RBFOX1: variants seen among roughly 807,000 people sequenced by gnomAD.
RBFOX1 encodes the protein RNA binding protein fox-1 homolog 1.
Under a neutral mutation model 57.7 loss-of-function variants are expected in RBFOX1, and 8 were observed. That is an observed-to-expected ratio of 0.14 (90% CI 0.08 to 0.25). The LOEUF (loss-of-function observed/expected upper bound fraction) is 0.25, where lower values mean the gene tolerates loss of function less well. Ranked by LOEUF, RBFOX1 falls within the 10% of genes least tolerant of loss-of-function variation. RBFOX1 has a pLI of 1.00. For missense variants in RBFOX1, 611 were observed against 548.5 expected (o/e 1.11, Z -1.14); for synonymous variants, 326 against 222.4 (o/e 1.47, Z -4.15).
intron 3 of RBFOX1, among the ~76,000 whole-genome samples, chr16:6,955,348 GCACACA>G (rs34550051): frequency 0.15 from 23,261 of 150,258 alleles, 2,102 homozygotes; most frequent in South Asian, 0.23. Flanking sequence ...CCCCACATAT[GCACACA>G]CACACACACA....
intron 3 of RBFOX1, among the ~76,000 whole-genome samples, chr16:6,935,581 A>C (rs1010050584): frequency 3.3e-5 from 5 of 152,194 alleles, no homozygotes; most frequent in African/African-American, 1.2e-4. Flanking sequence ...TGAATATTCA[A>C]AAATCTGTGA....
intron 4 of RBFOX1, among the ~76,000 whole-genome samples, chr16:5,973,829 C>T (rs1041341492): frequency 4.6e-5 from 7 of 152,218 alleles, no homozygotes; most frequent in African/African-American, 1.7e-4. Flanking sequence ...TTATGTTCCA[C>T]ATACTTGGGG....
chr16:7,370,640 A>C (rs1047880246), intron 4 of RBFOX1, among the ~76,000 whole-genome samples: 1 of 152,220 alleles, frequency 6.6e-6, no homozygotes, highest in Non-Finnish European at 1.5e-5. Flanking sequence ...AGCACATCCT[A>C]GGCATGGGTG....
intron 2 of RBFOX1, among the ~76,000 whole-genome samples, chr16:6,651,970 G>C (rs534238352): frequency 6.6e-6 from 1 of 152,268 alleles, no homozygotes; most frequent in Non-Finnish European, 1.5e-5. Context: ...AGGCACAGAA[G>C]GACAAATGTT....
intron 4 of RBFOX1, among the ~76,000 whole-genome samples, chr16:7,168,716 C>T (rs985594833): frequency 3.3e-5 from 5 of 152,180 alleles, no homozygotes; most frequent in Non-Finnish European, 5.9e-5. Context: ...CCTAGATTTA[C>T]TCTTCAGTCC....
At chr16:5,292,028 C>T (rs1408730010) in intron 1 of RBFOX1, among the ~76,000 whole-genome samples, 1 of 152,100 alleles carries the variant, frequency 6.6e-6, no homozygotes, top group Non-Finnish European at 1.5e-5. Context: ...ACAACTCCTC[C>T]TTCCCTATGC....
In RBFOX1 at chr16:5,488,387, T is replaced by G. The variant is rs1026847687; in HGVS notation, c.258+21133T>G. Among the ~76,000 whole-genome samples the G allele has an allele frequency of 3.5e-4, 52 of 150,136 alleles. 1 individual carries two copies. The highest frequency in any genetic ancestry group is 1.2e-3 in the African/African-American group (48 of 40,614). ...TGATGGTGATGATGATGGTGGAAGA[T>G]GCTGGTGTGGCGGGGTGTGATGGTG... On this transcript the variant is annotated intron_variant, in intron 2 of 2. Transcript: ENST00000585867.
chr16:5,492,110 A>C (rs1283979258), intron 2 of RBFOX1, among the ~76,000 whole-genome samples: 1 of 152,174 alleles, frequency 6.6e-6, no homozygotes, highest in Non-Finnish European at 1.5e-5. Context: ...CAGAAACACC[A>C]GGGCTGAGGC....
intron 1 of RBFOX1, among the ~76,000 whole-genome samples, chr16:6,176,773 T>C (rs1335807795): frequency 4.6e-5 from 7 of 152,180 alleles, no homozygotes; most frequent in Non-Finnish European, 7.3e-5. Flanking sequence ...TTTAATTTTC[T>C]TAATAAGTGG....
intron 4 of RBFOX1, among the ~76,000 whole-genome samples, chr16:7,089,940 T>C (rs2151085963): frequency 6.6e-6 from 1 of 151,792 alleles, no homozygotes; most frequent in Admixed American, 6.6e-5. Context: ...AGACTTTAAA[T>C]TGGAACAGCT....
intron 1 of RBFOX1, among the ~76,000 whole-genome samples, chr16:6,241,580 G>A (rs2097540254): frequency 6.6e-6 from 1 of 152,176 alleles, no homozygotes; most frequent in Admixed American, 6.5e-5. Context: ...CCTGGCTCCT[G>A]AAATGAACAG....
At chr16:7,512,609 G>A (rs745739929) in intron 4 of RBFOX1, among the ~76,000 whole-genome samples, 14 of 152,190 alleles carry the variant, frequency 9.2e-5, no homozygotes, top group Non-Finnish European at 1.5e-4. Flanking sequence ...CTAACTGCAG[G>A]CTCCTTGGCT....
intron 3 of RBFOX1, among the ~76,000 whole-genome samples, chr16:6,782,034 G>T (rs1603622807): frequency 6.6e-6 from 1 of 151,976 alleles, no homozygotes. Context: ...TTTATACGGA[G>T]CCTTGCTCTG....
At chr16:6,685,338 G>T (rs1290569215) in intron 3 of RBFOX1, among the ~76,000 whole-genome samples, 1 of 139,632 alleles carries the variant, frequency 7.2e-6, no homozygotes, top group Non-Finnish European at 1.5e-5. Flanking sequence ...TGCAGTGGCT[G>T]GATCTCGGCT....
chr16:7,601,111 C>T (rs1302413103), intron 9 of RBFOX1, among the ~76,000 whole-genome samples: 2 of 152,144 alleles, frequency 1.3e-5, no homozygotes, highest in African/African-American at 4.8e-5. Context: ...ATGGCTTTTT[C>T]ATTTTCTTAG....
intron 3 of RBFOX1, among the ~76,000 whole-genome samples, chr16:6,834,503 GATGAATGA>G (rs34043490): frequency 5.2e-4 from 78 of 150,474 alleles, no homozygotes; most frequent in East Asian, 2.0e-3. Context: ...ACTGTTTATT[GATGAATGA>G]ATGAATGAAT....
chr16:5,718,329 C>A (rs1034314681), intron 3 of RBFOX1, among the ~76,000 whole-genome samples: 1 of 152,180 alleles, frequency 6.6e-6, no homozygotes, highest in Non-Finnish European at 1.5e-5. Flanking sequence ...CAGAGCTGCC[C>A]AGCTGAGCCC....
At position 6,692,294 on chromosome 16, in the gene RBFOX1, C is replaced by T. The variant is rs898313604; in HGVS notation, c.-16+37644C>T. On this transcript the variant is annotated intron_variant, in intron 3 of 15. Transcript: ENST00000550418. ...TCTGAGCTGTGGTTTGGATTCATAC[C>T]TCTCTAACATTAAAGAGCAGATGTC... Among the ~76,000 whole-genome samples, 6 of 108,582 alleles carry T rather than the reference C, an allele frequency of 5.5e-5. No individual in the cohort carries two copies. In the South Asian group the frequency reaches 1.6e-3, roughly 29 times the overall value. 71.2% of individuals were successfully genotyped at this position (108,582 alleles called of 152,430 possible).
At chr16:7,286,034 A>G (rs868645631) in intron 4 of RBFOX1, among the ~76,000 whole-genome samples, 94 of 152,312 alleles carry the variant, frequency 6.2e-4, no homozygotes, top group African/African-American at 2.0e-3. Flanking sequence ...TTGTATCTTT[A>G]ATCAGCATAC....
Sources: allele counts gnomAD v4.1 joint callset (sites outside exome capture counted in the v4.1 genomes callset), GRCh38; gene constraint gnomAD v4.1.1; transcripts MANE v1.5; gene names NCBI Gene and HGNC (gene_info 2026-07-23, HGNC 2026-07-21).